The following SOX6 variants were observed in gnomAD, a reference collection of about 807,000 sequenced individuals.
SOX6 encodes transcription factor SOX-6.
Under a neutral mutation model 97.8 loss-of-function variants are expected in SOX6, and 11 were observed. That is an observed-to-expected ratio of 0.11 (90% CI 0.07 to 0.19). The LOEUF (loss-of-function observed/expected upper bound fraction) is 0.19, where lower values mean the gene tolerates loss of function less well. Ranked by LOEUF, SOX6 falls within the 10% of genes least tolerant of loss-of-function variation. The pLI is 1.00. For synonymous variants in SOX6, 360 were observed against 371.4 expected, an observed-to-expected ratio of 0.97 and a Z score of 0.35; for missense variants, 810 against 1,039.5, an observed-to-expected ratio of 0.78 and a Z score of 3.04.
chr11:16,521,852 T>A (rs367587383), intron 4 of SOX6, among the ~76,000 whole-genome samples: 1 of 152,078 alleles, frequency 6.6e-6, no homozygotes, highest in African/African-American at 2.4e-5. Context: ...CAGGAGCCGA[T>A]GTGATCAACT....
chr11:16,168,335 G>T (rs1589991472), intron 6 of SOX6, among the ~76,000 whole-genome samples: 1 of 152,088 alleles, frequency 6.6e-6, no homozygotes, highest in Non-Finnish European at 1.5e-5. Context: ...GGTTTATAAA[G>T]AAATGATATT....
At chr11:16,346,207 G>T (rs768163915) in intron 1 of SOX6, among the ~76,000 whole-genome samples, 6 of 151,942 alleles carry the variant, frequency 3.9e-5, no homozygotes, top group Non-Finnish European at 7.4e-5. Flanking sequence ...AGCTGATATT[G>T]AGAAATAAAC....
At chr11:16,708,365 C>G (rs1048891281) in intron 3 of SOX6, among the ~76,000 whole-genome samples, 2 of 152,164 alleles carry the variant, frequency 1.3e-5, no homozygotes, top group Admixed American at 1.3e-4. Flanking sequence ...CATCCACATT[C>G]TTATGCATCT....
chr11:16,348,520 T>C (rs116323022), intron 1 of SOX6, among the ~76,000 whole-genome samples: 1 of 152,222 alleles, frequency 6.6e-6, no homozygotes, highest in African/African-American at 2.4e-5. Flanking sequence ...TATTTAATAA[T>C]AAGATTTATT....
chr11:16,393,517 C>T (rs1040877259), intron 1 of SOX6, among the ~76,000 whole-genome samples: 1 of 152,068 alleles, frequency 6.6e-6, no homozygotes, highest in East Asian at 1.9e-4. Context: ...CCATCTTCAG[C>T]TCATGTGACT....
At chr11:16,050,093 A>C (rs1448420499) in intron 10 of SOX6, among the ~76,000 whole-genome samples, 155 bp from the exon 11 acceptor site, 1 of 152,174 alleles carries the variant, frequency 6.6e-6, no homozygotes, top group Admixed American at 6.5e-5. Context: ...TTGAAGATTC[A>C]TCGGAAGGAA....
intron 1 of SOX6, among the ~76,000 whole-genome samples, chr11:16,372,978 C>T (rs1184682807): frequency 6.6e-6 from 1 of 152,040 alleles, no homozygotes; most frequent in Non-Finnish European, 1.5e-5. Flanking sequence ...TTGCCATGCT[C>T]ATACATATGA....
At chr11:16,238,580 C>A (rs1338960877) in intron 3 of SOX6, among the ~76,000 whole-genome samples, 1 of 151,976 alleles carries the variant, frequency 6.6e-6, no homozygotes, top group African/African-American at 2.4e-5. Flanking sequence ...GTCAGACAAA[C>A]CTGCAGCAGT....
chr11:16,497,986 G>C (rs4576784), intron 4 of SOX6, among the ~76,000 whole-genome samples: 36,683 of 151,962 alleles, frequency 0.24, 5,026 homozygotes, highest in Non-Finnish European at 0.3. Flanking sequence ...GATACTCCTC[G>C]AGAAGAGCAA....
intron 1 of SOX6, among the ~76,000 whole-genome samples, chr11:16,373,900 G>A (rs1431349024): frequency 7.2e-5 from 9 of 125,614 alleles, no homozygotes; most frequent in African/African-American, 2.7e-4. Context: ...AGGGAGGGAG[G>A]AAGGGAGGGA....
At chr11:15,973,163 G>A (rs773451666) in intron 15 of SOX6, 51 bp from the exon 16 acceptor site, 2 of 1,575,420 alleles carry the variant, frequency 1.3e-6, no homozygotes, top group Admixed American at 1.7e-5. Context: ...ATCTATATAT[G>A]TGCTATGTAC....
At chr11:16,447,604 G>A (rs1859639140) in intron 1 of SOX6, among the ~76,000 whole-genome samples, 1 of 152,020 alleles carries the variant, frequency 6.6e-6, no homozygotes. Context: ...TACACTACTA[G>A]TAGAGTACAA....
rs1444908909 is a variant in SOX6, at chr11:16,046,811, G to T, written c.1436-110C>A. The T allele has an allele frequency of 1.2e-5, 13 of 1,104,816 alleles. No individual in the cohort carries two copies. The East Asian group carries it at 2.7e-4, about 23-fold the overall frequency. 68.4% of individuals were successfully genotyped at this position (1,104,816 alleles called of 1,614,324 possible). On this transcript the variant is annotated intron_variant, in intron 11 of 15. Transcript: ENST00000683767. Reference sequence around the variant, plus strand: ...TGCATTCTCTGAACAAGGAAGGGGTGCACATTTGCTATTTTTTAAACTATA... The same window carrying T: ...TGCATTCTCTGAACAAGGAAGGGGTTCACATTTGCTATTTTTTAAACTATA...
At chr11:16,427,739 T>G (rs1048077279) in intron 1 of SOX6, among the ~76,000 whole-genome samples, 11 of 152,218 alleles carry the variant, frequency 7.2e-5, no homozygotes, top group African/African-American at 2.4e-4. Flanking sequence ...TTGTTGGACA[T>G]TTGAGTTGGT....
At chr11:16,594,573 A>G (rs1848188920) in intron 4 of SOX6, among the ~76,000 whole-genome samples, 2 of 152,052 alleles carry the variant, frequency 1.3e-5, no homozygotes. Flanking sequence ...TCCAGAGTCA[A>G]GGGTAAAAAA....
chr11:16,491,760 G>A (rs1406038760), intron 4 of SOX6, among the ~76,000 whole-genome samples: 1 of 151,966 alleles, frequency 6.6e-6, no homozygotes, highest in Non-Finnish European at 1.5e-5. Flanking sequence ...AACTAAGCAG[G>A]TATATGTTTT....
chr11:16,239,370 T>A (rs894460167), intron 3 of SOX6, among the ~76,000 whole-genome samples: 2 of 151,990 alleles, frequency 1.3e-5, no homozygotes, highest in Admixed American at 6.6e-5. Context: ...CAAGGGAGTA[T>A]AAATAGAGGC....
intron 4 of SOX6, among the ~76,000 whole-genome samples, chr11:16,228,159 A>G (rs1044697878): frequency 4.6e-5 from 7 of 151,520 alleles, no homozygotes; most frequent in African/African-American, 1.7e-4. Context: ...GACTGCACCA[A>G]TGCACTCCTG....
At chr11:16,183,201 C>G (rs1425905998) in intron 6 of SOX6, among the ~76,000 whole-genome samples, 1 of 151,930 alleles carries the variant, frequency 6.6e-6, no homozygotes, top group Admixed American at 6.6e-5. Flanking sequence ...ATTGAGTTAA[C>G]CATCAAGTAT....
Sources: gnomAD v4.1 joint callset for allele counts (sites outside exome capture counted in the v4.1 genomes callset) on GRCh38, gnomAD v4.1.1 for gene constraint, MANE v1.5 for transcripts, NCBI Gene and HGNC (gene_info 2026-07-23, HGNC 2026-07-21) for gene names.